Variants in STRN3 observed in about 807,000 individuals in gnomAD.
The protein encoded by STRN3 is striatin-3.
Under a neutral mutation model 95.6 loss-of-function variants are expected in STRN3, and 29 were observed. The observed-to-expected ratio is 0.30, with a 90% CI of 0.23 to 0.41. The LOEUF (loss-of-function observed/expected upper bound fraction) is 0.41. STRN3 is among the 10% of genes least tolerant of loss of function. The pLI is 1.00. For missense variants in STRN3, 890 were observed against 972.1 expected (o/e 0.92, Z 1.12); for synonymous variants, 331 against 357.6 (o/e 0.93, Z 0.84).
rs532614274 is a variant in STRN3 at position 31,022,819 on chromosome 14, G to C, written c.282+3085C>G. Among the ~76,000 whole-genome samples, 34 of 152,210 alleles carry C rather than the reference G, an allele frequency of 2.2e-4. 1 individual carries two copies. In the South Asian group the frequency reaches 6.4e-3, roughly 29 times the overall value. On this transcript the variant is annotated intron_variant, in intron 1 of 17. Transcript: ENST00000357479. Reference sequence around the variant, plus strand: ...CCTACCTAAATTTGTCTCCTCACCTGTAAAACAGGAATACTCACCTCATGA... The same window carrying C: ...CCTACCTAAATTTGTCTCCTCACCTCTAAAACAGGAATACTCACCTCATGA...
chr14:30,982,796 C>T (rs1281072704), intron 1 of STRN3, among the ~76,000 whole-genome samples: 2 of 152,008 alleles, frequency 1.3e-5, no homozygotes, highest in African/African-American at 4.8e-5. Context: ...GATACAGTCT[C>T]GTTATGTTGC....
intron 5 of STRN3, among the ~76,000 whole-genome samples, chr14:30,945,549 T>C (rs568979089): frequency 2.6e-5 from 4 of 152,130 alleles, no homozygotes; most frequent in Admixed American, 6.5e-5. Context: ...AAGGCTTCAG[T>C]GAGCCGTGAT....
chr14:30,946,962 A>G, intron 5 of STRN3, 128 bp downstream of exon 5: 1 of 600,480 alleles, frequency 1.7e-6, no homozygotes, highest in Non-Finnish European at 2.5e-6. Flanking sequence ...TTGGGCGACA[A>G]GAGCAAGACT....
chr14:30,919,083 C>A lies in STRN3; in HGVS notation c.1123G>T (p.Asp375Tyr). The A allele has an allele frequency of 6.2e-7, 1 of 1,608,702 alleles. No homozygotes were observed. Among genetic ancestry groups the A allele is most frequent in the Non-Finnish European group, 8.5e-7 (1 of 1,176,802 alleles). ...VKRANRTKLYDMIADLGDDEL... is the reference protein window; with the variant it reads ...VKRANRTKLYYMIADLGDDEL... ...TCATCTCCCAGATCAGCTATCATGT[C>A]GTAGAGTTTTGTCCTGTTGGCCCCT... The change falls in exon 9 of 18, where the codon GAC becomes TAC. Residue 375 changes from aspartate (D) to tyrosine (Y), a missense_variant. By Grantham distance (160) the Asp-to-Tyr change is radical (BLOSUM62 -3). This residue lies in a region of STRN3 where 526 missense variants were observed against 526.3 expected (regional missense o/e 1.00). Transcript: ENST00000357479.
At chr14:31,018,023 A>C (rs570968269) in intron 1 of STRN3, among the ~76,000 whole-genome samples, 11 of 151,116 alleles carry the variant, frequency 7.3e-5, no homozygotes, top group African/African-American at 2.2e-4. Flanking sequence ...GGTTACAGTG[A>C]GCCGGGATTG....
Position 30,895,480 on chromosome 14 carries a change from A to C in STRN3, c.2325T>G (p.Val775=). ...TATATGCTTTTGACGAGTGGAAAGC[A>C]ACATCATAAATTGATTCATCCAATT... ...RKKLDESIYD[V]AFHSSKAYIA... is the part of the protein sequence containing the mutation. Residue 775 remains valine (V), a synonymous_variant, in exon 18 of 18, where the codon GTT becomes GTG. Coordinates refer to ENST00000357479, the MANE Select transcript of STRN3 (RefSeq NM_001083893.2). 6.2e-7 allele frequency: 1 copy of C among 1,614,142 alleles called. No individual in the cohort carries two copies. The highest frequency in any genetic ancestry group is 8.5e-7 in the Non-Finnish European group (1 of 1,180,018).
chr14:30,918,581 T>TA (rs1896800834), intron 9 of STRN3, among the ~76,000 whole-genome samples: 1 of 152,070 alleles, frequency 6.6e-6, no homozygotes, highest in African/African-American at 2.4e-5. Flanking sequence ...TAGTAAGTGG[T>TA]AATTACTATT....
intron 1 of STRN3, among the ~76,000 whole-genome samples, chr14:30,989,749 C>T (rs992347542): frequency 1.4e-4 from 22 of 152,054 alleles, no homozygotes; most frequent in Non-Finnish European, 2.9e-4. Flanking sequence ...TGAGCCACCG[C>T]GCCCGGACAA....
At chr14:30,917,623 C>T (rs1258891104) in intron 9 of STRN3, among the ~76,000 whole-genome samples, 1 of 149,980 alleles carries the variant, frequency 6.7e-6, no homozygotes, top group East Asian at 1.9e-4. Flanking sequence ...GAATATATCT[C>T]AATAGTGGAA....
intron 5 of STRN3, among the ~76,000 whole-genome samples, chr14:30,946,078 C>G (rs879154277): frequency 6.6e-6 from 1 of 152,134 alleles, no homozygotes; most frequent in African/African-American, 2.4e-5. Context: ...GTTTCTTTCA[C>G]GCTAGGGTCT....
chr14:30,899,020 A>T (rs768448925), intron 16 of STRN3, among the ~76,000 whole-genome samples: 2 of 152,254 alleles, frequency 1.3e-5, no homozygotes, highest in South Asian at 4.1e-4. Context: ...TTACAGAGTT[A>T]TTAGAAAAGC....
chr14:30,992,082 C>T (rs1011044773), intron 1 of STRN3, among the ~76,000 whole-genome samples: 17 of 151,626 alleles, frequency 1.1e-4, no homozygotes, highest in African/African-American at 3.6e-4. Flanking sequence ...GAAAACTCAA[C>T]AACAACAACA....
chr14:30,965,581 A>G (rs1448645063), intron 1 of STRN3, among the ~76,000 whole-genome samples: 1 of 152,064 alleles, frequency 6.6e-6, no homozygotes, highest in Non-Finnish European at 1.5e-5. Context: ...GCACTTTGGG[A>G]GGCTGAGGCA....
intron 4 of STRN3, 64 bp downstream of exon 4, chr14:30,950,799 G>A: frequency 7.0e-7 from 1 of 1,428,820 alleles, no homozygotes; most frequent in Non-Finnish European, 9.7e-7. Flanking sequence ...CTTGTAAAGT[G>A]ATTCAGTATA....
chr14:31,009,793 G>C (rs1882885751), intron 1 of STRN3, among the ~76,000 whole-genome samples: 2 of 152,098 alleles, frequency 1.3e-5, no homozygotes, highest in South Asian at 4.1e-4. Context: ...ATATTTGACA[G>C]TTTCTAAACA....
intron 1 of STRN3, among the ~76,000 whole-genome samples, chr14:31,016,816 TAC>T (rs1274839075): frequency 6.6e-6 from 1 of 152,112 alleles, no homozygotes; most frequent in East Asian, 1.9e-4. Context: ...GTGCTGGGAT[TAC>T]AGTCATGAGC....
intron 1 of STRN3, among the ~76,000 whole-genome samples, chr14:30,970,003 C>T (rs940467807): frequency 1.3e-5 from 2 of 152,192 alleles, no homozygotes; most frequent in African/African-American, 4.8e-5. Flanking sequence ...CCCCTCCAGT[C>T]ATGGACCACA....
intron 16 of STRN3, among the ~76,000 whole-genome samples, chr14:30,899,565 A>C (rs1193849478): frequency 6.6e-6 from 1 of 152,058 alleles, no homozygotes; most frequent in African/African-American, 2.4e-5. Context: ...TCCTTCCCCA[A>C]ACTTTGTCTT....
intron 1 of STRN3, among the ~76,000 whole-genome samples, chr14:30,983,599 T>C (rs890847849): frequency 5.3e-5 from 8 of 152,186 alleles, no homozygotes; most frequent in African/African-American, 1.9e-4. Context: ...AAAGGGAGAA[T>C]TCACTTTGAT....
Sources: gnomAD v4.1 joint callset for allele counts (sites outside exome capture counted in the v4.1 genomes callset) on GRCh38, gnomAD v4.1.1 for gene constraint, gnomAD v4.1.1 regional missense constraint, MANE v1.5 for transcripts, NCBI Gene and HGNC (gene_info 2026-07-23, HGNC 2026-07-21) for gene names.